CCDC170: variants seen among roughly 807,000 people sequenced by gnomAD.
CCDC170 encodes coiled-coil domain-containing protein 170.
Under a neutral mutation model 72.6 loss-of-function variants are expected in CCDC170, and 69 were observed. That is an observed-to-expected ratio of 0.95 (90% CI 0.78 to 1.16). The LOEUF is 1.16. Among genes scored for constraint, CCDC170 ranks in the 50% most tolerant of loss-of-function variants. The pLI is 0.00. For synonymous variants in CCDC170, 300 were observed against 303.9 expected (o/e 0.99, Z 0.13); for missense variants, 852 against 832.5 (o/e 1.02, Z -0.29).
rs566604963 is a variant in CCDC170 at position 151,550,017 on chromosome 6, G to A, written c.774+1528G>A. ...GTAATTCTGACAGATATTGCCAAAG[G>A]GAAGTGACTGAATTGTAAACTTTTA... On this transcript the variant is annotated intron_variant, in intron 5 of 10. Coordinates refer to ENST00000239374, the MANE Select transcript of CCDC170 (RefSeq NM_025059.4). 2.0e-3 allele frequency among the ~76,000 whole-genome samples: 310 copies of A among 152,264 alleles called. 4 individuals are homozygous for A. The highest frequency in any genetic ancestry group is 7.2e-3 in the African/African-American group (301 of 41,556).
rs560081446 is a variant in CCDC170, at chr6:151,589,848, T to G, written c.1294-3259T>G. ...AGCTGGCCAGGTGGCCTCTCCATCTTCCCTCTCCCCTGCAATTTCTCCTGC... is the reference window on the plus strand; with the variant it reads ...AGCTGGCCAGGTGGCCTCTCCATCTGCCCTCTCCCCTGCAATTTCTCCTGC... On this transcript the variant is annotated intron_variant, in intron 7 of 10. Coordinates refer to ENST00000239374, the MANE Select transcript of CCDC170 (RefSeq NM_025059.4). Among the ~76,000 whole-genome samples the G allele has an allele frequency of 1.4e-4, 21 of 152,260 alleles. No individual in the cohort carries two copies. In the South Asian group the frequency reaches 4.2e-3, roughly 30 times the overall value.
At chr6:151,556,799 C>G (rs1313564235) in intron 5 of CCDC170, among the ~76,000 whole-genome samples, 3 of 148,346 alleles carry the variant, frequency 2.0e-5, no homozygotes, top group Non-Finnish European at 4.5e-5. Flanking sequence ...TATAGTCACC[C>G]TACTCGCTGA....
chr6:151,512,162 G>GTTT (rs546546640), intron 1 of CCDC170, among the ~76,000 whole-genome samples: 14 of 126,440 alleles, frequency 1.1e-4, no homozygotes, highest in African/African-American at 2.4e-4. Context: ...GTTTTTTTTT[G>GTTT]TTTTTTTTTT....
intron 4 of CCDC170, 116 bp from the exon 5 acceptor site, chr6:151,548,188 A>T: frequency 1.2e-6 from 1 of 861,634 alleles, no homozygotes; most frequent in Non-Finnish European, 1.6e-6. Flanking sequence ...CAGTCCATGT[A>T]GGGATAGTGC....
intron 1 of CCDC170, among the ~76,000 whole-genome samples, chr6:151,500,432 C>T (rs1781978771): frequency 6.6e-6 from 1 of 151,516 alleles, no homozygotes; most frequent in Non-Finnish European, 1.5e-5. Flanking sequence ...GAAAGAAATA[C>T]AAACATATCA....
intron 9 of CCDC170, among the ~76,000 whole-genome samples, chr6:151,599,033 A>C (rs2115123371): frequency 6.6e-6 from 1 of 152,338 alleles, no homozygotes; most frequent in East Asian, 1.9e-4. Flanking sequence ...GCTAGAAAAG[A>C]AAAGTTAAAG....
intron 1 of CCDC170, among the ~76,000 whole-genome samples, chr6:151,502,093 G>A (rs933933026): frequency 6.6e-6 from 1 of 152,064 alleles, no homozygotes; most frequent in African/African-American, 2.4e-5. Context: ...ATATCTACAT[G>A]TTCAGATATT....
chr6:151,604,585 G>A lies in CCDC170; in HGVS notation c.1710+8008G>A, dbSNP rs138441579. Among the ~76,000 whole-genome samples the A allele has an allele frequency of 3.3e-5, 5 of 152,250 alleles. No individual in the cohort carries two copies. The East Asian group carries it at 9.6e-4, about 29-fold the overall frequency. ...ATAGCTAGAAAAGAGGATTTTGAAT[G>A]TTTCCAACACAAAGAAATGGTAAAT... On this transcript the variant is annotated intron_variant, in intron 9 of 10. Transcript: ENST00000239374.
In CCDC170 at chr6:151,544,566, T is replaced by A; in HGVS notation, c.444-6T>A. On this transcript the variant is annotated splice_polypyrimidine_tract_variant and splice_region_variant and intron_variant, in intron 3 of 10. Coordinates refer to ENST00000239374, the MANE Select transcript of CCDC170 (RefSeq NM_025059.4). ...AATTCTGACTTATTTGTTATTTGCC[T>A]AACAGAAAGTGTTCAAAAGAAAATG... 1.4e-5 allele frequency: 22 copies of A among 1,606,630 alleles called. No individual in the cohort carries two copies. Among genetic ancestry groups the A allele is most frequent in the Non-Finnish European group, 1.9e-5 (22 of 1,174,100 alleles).
At chr6:151,518,360 C>A (rs141197949) in intron 1 of CCDC170, among the ~76,000 whole-genome samples, 1 of 151,994 alleles carries the variant, frequency 6.6e-6, no homozygotes, top group East Asian at 1.9e-4. Flanking sequence ...GAGAATGGGA[C>A]GAGACTGTCA....
At chr6:151,507,564 A>G (rs1782082622) in intron 1 of CCDC170, among the ~76,000 whole-genome samples, 2 of 152,208 alleles carry the variant, frequency 1.3e-5, no homozygotes, top group African/African-American at 4.8e-5. Flanking sequence ...TATAGGGCCC[A>G]CAAAAGTTAT....
At chr6:151,617,634 G>A (rs60282746) in intron 10 of CCDC170, among the ~76,000 whole-genome samples, 1 of 151,970 alleles carries the variant, frequency 6.6e-6, no homozygotes, top group Non-Finnish European at 1.5e-5. Context: ...CCAACCTGGA[G>A]ATGAGAAAAT....
intron 5 of CCDC170, among the ~76,000 whole-genome samples, chr6:151,558,926 A>G (rs918022809): frequency 6.6e-6 from 1 of 152,112 alleles, no homozygotes; most frequent in Non-Finnish European, 1.5e-5. Flanking sequence ...CATTTCTATG[A>G]AAAATAATAT....
rs756005974 is a variant in CCDC170 at position 151,548,333 on chromosome 6, C to T, written c.618C>T (p.Phe206=). Residue 206 remains phenylalanine (F), a synonymous_variant, in exon 5 of 11, where the codon TTC becomes TTT. Coordinates refer to ENST00000239374, the MANE Select transcript of CCDC170 (RefSeq NM_025059.4). The part of the protein sequence containing the change: ...KLRDLRKENE[F]VKGQIVILEE... Reference sequence around the variant, plus strand: ...GAGACCTGCGCAAAGAAAATGAATTCGTGAAAGGACAAATTGTTATTCTTG... The same window carrying T: ...GAGACCTGCGCAAAGAAAATGAATTTGTGAAAGGACAAATTGTTATTCTTG... 6.3e-6 allele frequency: 10 copies of T among 1,592,488 alleles called. No individual in the cohort carries two copies. In the South Asian group the frequency reaches 6.8e-5, roughly 11 times the overall value.
rs34430497 is a variant in CCDC170, at chr6:151,596,525, G to A, written c.1658G>A (p.Arg553Gln). ...ERLQKELNTC[R>Q]DLHTELKAKL... ...CTGCAGAAAGAGCTGAACACGTGTC[G>A]AGACTTGCACACCGAGCTCAAAGCC... The change falls in exon 9 of 11, where the codon CGA (arginine) becomes CAA (glutamine). Residue 553 changes from arginine to glutamine, a missense_variant. Coordinates refer to ENST00000239374, the MANE Select transcript of CCDC170 (RefSeq NM_025059.4). 80,698 of 1,614,056 alleles carry A rather than the reference G, an allele frequency of 0.05. 2,373 individuals are homozygous for A. The highest frequency in any genetic ancestry group is 0.059 in the Non-Finnish European group (69,734 of 1,179,972).
intron 1 of CCDC170, among the ~76,000 whole-genome samples, chr6:151,496,680 G>T (rs1459738449): frequency 6.6e-6 from 1 of 152,142 alleles, no homozygotes; most frequent in Non-Finnish European, 1.5e-5. Context: ...GTGATAGTCT[G>T]CAACTTTCTG....
At chr6:151,613,598 T>A (rs924672294) in intron 9 of CCDC170, among the ~76,000 whole-genome samples, 13 of 152,246 alleles carry the variant, frequency 8.5e-5, no homozygotes, top group African/African-American at 3.1e-4. Context: ...GAATATGTGT[T>A]TTTTTGCAAT....
chr6:151,596,202 C>T, intron 8 of CCDC170, 133 bp from the exon 9 acceptor site: 2 of 1,094,160 alleles, frequency 1.8e-6, no homozygotes, highest in South Asian at 3.8e-5. Context: ...GAAAAGGAAT[C>T]CAATGACTTT....
intron 1 of CCDC170, among the ~76,000 whole-genome samples, chr6:151,513,919 C>CAAAAAAAAA (rs58387477): frequency 5.9e-4 from 30 of 51,102 alleles, no homozygotes; most frequent in South Asian, 1.6e-3. Flanking sequence ...GACCCTGTCT[C>CAAAAAAAAA]AAAAAAAAAA....
Sources: gnomAD v4.1 joint callset for allele counts (sites outside exome capture counted in the v4.1 genomes callset) on GRCh38, gnomAD v4.1.1 for gene constraint, MANE v1.5 for transcripts, NCBI Gene and HGNC (gene_info 2026-07-23, HGNC 2026-07-21) for gene names.